SMS: variants seen among roughly 807,000 people sequenced by gnomAD.
SMS encodes the protein spermine synthase.
In SMS, 3 loss-of-function variants were observed where a neutral mutation model predicts 33.0. That is an observed-to-expected ratio of 0.09 (90% CI 0.04 to 0.23). The LOEUF is 0.23. Ranked by LOEUF, SMS falls within the 10% of genes least tolerant of loss-of-function variation. SMS has a pLI of 1.00. For missense variants in SMS, 117 were observed against 288.6 expected, an observed-to-expected ratio of 0.41 and a Z score of 4.31; for synonymous variants, 103 against 112.2, an observed-to-expected ratio of 0.92 and a Z score of 0.52.
chrX:21,952,720 T>A lies in SMS; in HGVS notation c.49+11847T>A, dbSNP rs1277373494. On this transcript the variant is annotated intron_variant, in intron 1 of 10. Coordinates refer to ENST00000404933, the MANE Select transcript of SMS (RefSeq NM_004595.5). ...TTGGTAGAACTCTCCAGTGAAACCA[T>A]CTTTGTCTCAAGATCTCTTTTCTGG... is the stretch of plus-strand genomic sequence containing the variant. Among the ~76,000 whole-genome samples, 4 of 109,585 alleles carry A rather than the reference T, an allele frequency of 3.7e-5. No individual in the cohort carries two copies. The Admixed American group carries it at 3.9e-4, about 11-fold the overall frequency.
chrX:21,967,093 C>CTTAT, intron 1 of SMS, 103 bp from the exon 2 acceptor site: 2 of 170,029 alleles, frequency 1.2e-5, no homozygotes, highest in Non-Finnish European at 8.9e-6. Flanking sequence ...TATTTATTTA[C>CTTAT]TTATTTATTT....
Position 21,994,655 on chromosome X carries a change from T to C in SMS, c.*304T>C. The C allele has an allele frequency of 1.2e-6, 1 of 853,291 alleles. No individual in the cohort carries two copies. Among genetic ancestry groups the C allele is most frequent in the Non-Finnish European group, 1.4e-6 (1 of 703,356 alleles). 70.3% of individuals were successfully genotyped at this position (853,291 alleles called of 1,213,427 possible). On this transcript the variant is annotated 3_prime_UTR_variant, in exon 11 of 11. Coordinates refer to ENST00000404933, the MANE Select transcript of SMS (RefSeq NM_004595.5). ...TTATTTCTCTGTGGGCTTTTGTTTT[T>C]GTTTTTGTTTTGGTAGATCTTCAAT...
chrX:21,940,738 C>A lies in SMS; in HGVS notation c.-87C>A, dbSNP rs1327909207. Reference sequence around the variant, plus strand: ...CTGGCCTCCCCGGGCGCAGCACACTCCCAGCCGGCCGCAGCCTGACACGCC... The same window carrying A: ...CTGGCCTCCCCGGGCGCAGCACACTACCAGCCGGCCGCAGCCTGACACGCC... On this transcript the variant is annotated 5_prime_UTR_variant, in exon 1 of 11. Coordinates refer to ENST00000404933, the MANE Select transcript of SMS (RefSeq NM_004595.5). 1 of 811,760 alleles carries A rather than the reference C, an allele frequency of 1.2e-6. No individual in the cohort carries two copies. Among genetic ancestry groups the A allele is most frequent in the East Asian group, 4.3e-5 (1 of 23,132 alleles). The allele number at this position is 811,760 out of a possible 1,213,427, so 66.9% of individuals were successfully genotyped here. A position where few individuals can be genotyped will look rare whatever the true frequency, so the allele number is the denominator to read the frequency against.
chrX:21,948,248 C>G (rs936706222), intron 1 of SMS, among the ~76,000 whole-genome samples: 1 of 111,049 alleles, frequency 9.0e-6, no homozygotes, highest in African/African-American at 3.3e-5. Context: ...TAATCCTCAT[C>G]TAGTTCTCAT....
chrX:21,981,288 C>G (rs759864105), intron 7 of SMS, among the ~76,000 whole-genome samples: 3 of 108,634 alleles, frequency 2.8e-5, no homozygotes, highest in Non-Finnish European at 5.7e-5. Context: ...CCACTGCACT[C>G]CAGCCTGGGT....
At chrX:21,965,195 A>G (rs1923617472) in intron 1 of SMS, among the ~76,000 whole-genome samples, 1 of 112,067 alleles carries the variant, frequency 8.9e-6, no homozygotes, top group Admixed American at 9.5e-5. Context: ...TTACATCTAC[A>G]AAGACCATTT....
intron 2 of SMS, 121 bp from the exon 3 acceptor site, chrX:21,971,776 T>C (rs1924174512): frequency 1.9e-6 from 1 of 534,692 alleles, no homozygotes; most frequent in Non-Finnish European, 3.3e-6. Flanking sequence ...AGCTTAACTG[T>C]ATACTTTTGG....
intron 9 of SMS, among the ~76,000 whole-genome samples, chrX:21,991,368 A>G (rs777658581): frequency 9.0e-6 from 1 of 110,710 alleles, no homozygotes; most frequent in South Asian, 3.8e-4. Context: ...TAGTAGAGAC[A>G]GGGTTTCACC....
At chrX:21,972,684 G>A (rs766665397) in intron 4 of SMS, 113 bp downstream of exon 4, 9 of 536,078 alleles carry the variant, frequency 1.7e-5, no homozygotes, top group African/African-American at 1.6e-4. Context: ...CGAGGCAGGC[G>A]GATCACTTGA....
intron 1 of SMS, among the ~76,000 whole-genome samples, chrX:21,962,331 T>C (rs1400739046): frequency 1.8e-5 from 2 of 112,357 alleles, no homozygotes; most frequent in Non-Finnish European, 3.8e-5. Flanking sequence ...AGGTTGAAAT[T>C]TGGAATAATT....
intron 1 of SMS, among the ~76,000 whole-genome samples, chrX:21,943,911 T>C (rs1007095429): frequency 8.9e-6 from 1 of 111,942 alleles, no homozygotes; most frequent in Non-Finnish European, 1.9e-5. Flanking sequence ...AAGGCATTAC[T>C]CTTGGCATGT....
At chrX:21,973,907 G>T (rs770546215) in intron 4 of SMS, among the ~76,000 whole-genome samples, 10 of 113,029 alleles carry the variant, frequency 8.8e-5, no homozygotes, top group Admixed American at 2.8e-4. Context: ...GGACATCGTG[G>T]GAAGGAACTA....
chrX:21,972,126 G>A lies in SMS; in HGVS notation c.264+136G>A, dbSNP rs1924203313. On this transcript the variant is annotated intron_variant, in intron 3 of 10. Transcript: ENST00000404933. ...TCCTCCCTCCACATAAGTGATTTTA[G>A]AATAGAAGTAGTTGTTTAGTTGTTT... 5.8e-6 allele frequency: 3 copies of A among 516,161 alleles called. No individual in the cohort carries two copies. In the Admixed American group the frequency reaches 9.6e-5, roughly 16 times the overall value. 42.5% of individuals were successfully genotyped at this position (516,161 alleles called of 1,213,427 possible). A position where few individuals can be genotyped will look rare whatever the true frequency, so the allele number is the denominator to read the frequency against.
intron 1 of SMS, among the ~76,000 whole-genome samples, chrX:21,942,829 CTTTTTT>C (rs772851812): frequency 1.2e-5 from 1 of 81,890 alleles, no homozygotes; most frequent in Non-Finnish European, 2.3e-5. Flanking sequence ...ATTTTCTTAA[CTTTTTT>C]TTTTTTTTTT....
intron 9 of SMS, among the ~76,000 whole-genome samples, chrX:21,985,727 A>G (rs903411584): frequency 1.9e-4 from 21 of 112,093 alleles, no homozygotes; most frequent in Non-Finnish European, 3.0e-4. Context: ...TGATGCATAA[A>G]CATAAGATAA....
intron 1 of SMS, among the ~76,000 whole-genome samples, chrX:21,955,656 C>T (rs1340349110): frequency 9.0e-6 from 1 of 111,565 alleles, no homozygotes; most frequent in African/African-American, 3.3e-5. Flanking sequence ...TTTCCTAATC[C>T]TCTGCCTTGG....
At chrX:21,959,877 A>G in intron 1 of SMS, 1 of 745,829 alleles carries the variant, frequency 1.3e-6, no homozygotes, top group Non-Finnish European at 1.6e-6. Flanking sequence ...ATTGCCAGCC[A>G]GCTCGCACAC....
At chrX:21,992,413 C>T (rs780337132) in intron 9 of SMS, among the ~76,000 whole-genome samples, 184 bp from the exon 10 acceptor site, 3 of 112,423 alleles carry the variant, frequency 2.7e-5, no homozygotes, top group East Asian at 2.8e-4. Flanking sequence ...AGAAGGATAA[C>T]GAGCTCTAAT....
chrX:21,992,384 A>G (rs1038166646), intron 9 of SMS, among the ~76,000 whole-genome samples: 1 of 112,680 alleles, frequency 8.9e-6, no homozygotes, highest in African/African-American at 3.2e-5. Context: ...ATAATTTGAA[A>G]TGGCTTGGTA....
Sources: gnomAD v4.1 joint callset for allele counts (sites outside exome capture counted in the v4.1 genomes callset) on GRCh38, gnomAD v4.1.1 for gene constraint, MANE v1.5 for transcripts, NCBI Gene and HGNC (gene_info 2026-07-23, HGNC 2026-07-21) for gene names.